Variants in C10orf143 observed in about 807,000 individuals in gnomAD.
The protein encoded by C10orf143 is chromosome 10 open reading frame 143.
chr10:130,060,822 CAAAAAAA>C (rs11312813), downstream of C10orf143, among the ~76,000 whole-genome samples: 849 of 53,398 alleles, frequency 0.016, 13 homozygotes, highest in African/African-American at 0.059. Flanking sequence ...GACTCCGTCT[CAAAAAAA>C]AAAAAAAAAA....
intron 1 of C10orf143, among the ~76,000 whole-genome samples, chr10:130,084,087 G>A (rs554152930): frequency 6.6e-6 from 1 of 152,092 alleles, no homozygotes; most frequent in African/African-American, 2.4e-5. Flanking sequence ...AAGGTGGGCA[G>A]ATCACAAGGT....
At chr10:130,103,483 C>CT (rs1354642086) in intron 1 of C10orf143, among the ~76,000 whole-genome samples, 1 of 152,000 alleles carries the variant, frequency 6.6e-6, no homozygotes, top group Non-Finnish European at 1.5e-5. Context: ...GACCGAAACT[C>CT]TGCCTCAATA....
At chr10:130,091,136 C>T (rs906970873) in intron 1 of C10orf143, among the ~76,000 whole-genome samples, 1 of 152,194 alleles carries the variant, frequency 6.6e-6, no homozygotes, top group Non-Finnish European at 1.5e-5. Context: ...AGATACCTCC[C>T]AGCAGGGGTT....
intron 1 of C10orf143, among the ~76,000 whole-genome samples, chr10:130,081,769 A>C (rs1861213672): frequency 6.6e-6 from 1 of 152,082 alleles, no homozygotes; most frequent in African/African-American, 2.4e-5. Flanking sequence ...TACATATCAG[A>C]ATCCATGAAA....
chr10:130,035,728 A>G (rs187374487), intron 4 of C10orf143: 1 of 152,394 alleles, frequency 6.6e-6, no homozygotes, highest in Admixed American at 6.5e-5. Flanking sequence ...ACCACACATC[A>G]TGTGTTCACT....
chr10:130,093,038 G>C (rs2134791500), intron 1 of C10orf143, among the ~76,000 whole-genome samples: 1 of 152,230 alleles, frequency 6.6e-6, no homozygotes, highest in South Asian at 2.1e-4. Flanking sequence ...AGATATTCAG[G>C]ATTTGAACTC....
chr10:130,039,508 C>G (rs1213012406), intron 3 of C10orf143, among the ~76,000 whole-genome samples: 1 of 152,130 alleles, frequency 6.6e-6, no homozygotes, highest in Non-Finnish European at 1.5e-5. Flanking sequence ...CTACTCAGCC[C>G]TCGATGAGGT....
At chr10:130,107,483 G>A in intron 1 of C10orf143, 5 of 1,414,088 alleles carry the variant, frequency 3.5e-6, no homozygotes, top group Non-Finnish European at 4.0e-6. Context: ...GAAAGAAAAT[G>A]CTCACAACAG....
At chr10:130,098,058 C>T (rs903982707) in intron 1 of C10orf143, among the ~76,000 whole-genome samples, 4 of 151,848 alleles carry the variant, frequency 2.6e-5, no homozygotes, top group African/African-American at 9.7e-5. Context: ...CATGGTGGCT[C>T]ACACCTGTAA....
intron 3 of C10orf143, among the ~76,000 whole-genome samples, chr10:130,047,504 C>T (rs1243322859): frequency 3.3e-5 from 5 of 152,158 alleles, no homozygotes; most frequent in Non-Finnish European, 5.9e-5. Context: ...TGATGATGCC[C>T]ACAGCTCTCA....
chr10:130,087,620 G>A (rs996485830), intron 1 of C10orf143, among the ~76,000 whole-genome samples: 16 of 152,286 alleles, frequency 1.1e-4, no homozygotes, highest in African/African-American at 3.1e-4. Context: ...TTCCTTTTCC[G>A]GAGGTGATGG....
intron 1 of C10orf143, among the ~76,000 whole-genome samples, chr10:130,098,567 C>T (rs1861498316): frequency 6.6e-6 from 1 of 152,194 alleles, no homozygotes; most frequent in Non-Finnish European, 1.5e-5. Context: ...CACACACCCT[C>T]ACGTGTCAGT....
intron 3 of C10orf143, among the ~76,000 whole-genome samples, chr10:130,038,138 G>T (rs990373181): frequency 7.2e-5 from 11 of 152,106 alleles, no homozygotes; most frequent in African/African-American, 2.7e-4. Context: ...TTCTTGACAG[G>T]GAGTAACATG....
At chr10:130,093,394 C>A (rs558229259) in intron 1 of C10orf143, among the ~76,000 whole-genome samples, 1 of 152,282 alleles carries the variant, frequency 6.6e-6, no homozygotes, top group Admixed American at 6.5e-5. Context: ...GTACCAGAAT[C>A]TCTGAGACAC....
intron 3 of C10orf143, among the ~76,000 whole-genome samples, chr10:130,046,490 A>G (rs569716852): frequency 4.6e-5 from 7 of 152,360 alleles, no homozygotes; most frequent in South Asian, 2.1e-4. Context: ...ATGCTGCCGT[A>G]AGAGTCTCGG....
intron 3 of C10orf143, among the ~76,000 whole-genome samples, chr10:130,049,449 A>T (rs1462778924): frequency 6.6e-6 from 1 of 152,172 alleles, no homozygotes; most frequent in African/African-American, 2.4e-5. Flanking sequence ...TGGGACAAGC[A>T]TGGTGTGCGG....
intron 3 of C10orf143, among the ~76,000 whole-genome samples, chr10:130,054,156 C>T (rs2134735381): frequency 6.6e-6 from 1 of 152,340 alleles, no homozygotes; most frequent in South Asian, 2.1e-4. Flanking sequence ...AAATTTTATA[C>T]TGGCTGACTT....
chr10:130,088,793 A>G (rs779198592), intron 1 of C10orf143, among the ~76,000 whole-genome samples: 1 of 152,210 alleles, frequency 6.6e-6, no homozygotes, highest in Non-Finnish European at 1.5e-5. Context: ...TCCATCAAGT[A>G]AAGATTCCTT....
At chr10:130,075,232 A>G (rs1466426450) in intron 3 of C10orf143, among the ~76,000 whole-genome samples, 1 of 152,216 alleles carries the variant, frequency 6.6e-6, no homozygotes, top group Non-Finnish European at 1.5e-5. Context: ...TTTGAGTAAT[A>G]AAAACCAATA....
Sources: allele counts gnomAD v4.1 joint callset (sites outside exome capture counted in the v4.1 genomes callset), GRCh38; gene constraint gnomAD v4.1.1; transcripts MANE v1.5; gene names NCBI Gene and HGNC (gene_info 2026-07-23, HGNC 2026-07-21).